Variants in RBMS1 observed in about 807,000 individuals in gnomAD.
RBMS1 encodes RNA-binding motif, single-stranded-interacting protein 1.
A neutral mutation model predicts 62.3 loss-of-function variants in RBMS1; 17 were observed. The ratio of observed to expected loss-of-function variants is 0.27; its 90% CI spans 0.19 to 0.41. The LOEUF is 0.41. RBMS1 is among the 10% of genes least tolerant of loss of function. The pLI is 1.00. For missense variants in RBMS1, 334 were observed against 504.5 expected (o/e 0.66, Z 3.24); for synonymous variants, 172 against 170.0 (o/e 1.01, Z -0.09).
In RBMS1 at chr2:160,425,567, A is replaced by G. The variant is rs1682514793; in HGVS notation, c.76-58176T>C. Among the ~76,000 whole-genome samples, 3 of 152,304 alleles carry G rather than the reference A, an allele frequency of 2.0e-5. No homozygotes were observed. In the South Asian group the frequency reaches 6.2e-4, roughly 32 times the overall value. On this transcript the variant is annotated intron_variant, in intron 1 of 13. Coordinates refer to ENST00000348849, the MANE Select transcript of RBMS1 (RefSeq NM_016836.4). ...GAAGGAGAAGCAATGAGGTAGAGGA[A>G]TCATCACTTGGAAAGTGAATCACAG...
chr2:160,333,416 TACCTGGGTCAGCCCCCACCAGGCCA>T (rs1444371490), intron 2 of RBMS1, among the ~76,000 whole-genome samples: 3 of 152,334 alleles, frequency 2.0e-5, no homozygotes, highest in African/African-American at 7.2e-5. Flanking sequence ...TGTTTTGTTT[TACCTGGGTCAGCCCCCACCAGGCCA>T]GCCTGGGACC....
At chr2:160,488,840 G>A (rs948357016) in intron 1 of RBMS1, among the ~76,000 whole-genome samples, 2 of 151,916 alleles carry the variant, frequency 1.3e-5, no homozygotes, top group African/African-American at 4.8e-5. Flanking sequence ...CCAATAAATA[G>A]GATAAAACTT....
intron 4 of RBMS1, among the ~76,000 whole-genome samples, chr2:160,307,301 G>A (rs1689586148): frequency 6.7e-6 from 1 of 149,380 alleles, no homozygotes; most frequent in African/African-American, 2.5e-5. Context: ...CTCAGAGCAT[G>A]GTGAAGCTCT....
intron 1 of RBMS1, chr2:160,407,864 C>G: frequency 1.0e-6 from 1 of 981,298 alleles, no homozygotes; most frequent in South Asian, 4.7e-5. Context: ...AGGAGCAGCG[C>G]CGCCGCGTCC....
At chr2:160,425,626 T>C (rs1682520275) in intron 1 of RBMS1, among the ~76,000 whole-genome samples, 1 of 152,092 alleles carries the variant, frequency 6.6e-6, no homozygotes, top group Admixed American at 6.5e-5. Flanking sequence ...AGAATGGCAG[T>C]AGACAGTAAG....
chr2:160,305,143 G>C (rs1689432381), intron 4 of RBMS1, among the ~76,000 whole-genome samples: 1 of 152,196 alleles, frequency 6.6e-6, no homozygotes, highest in African/African-American at 2.4e-5. Flanking sequence ...GTAGGCCACT[G>C]TGCCTGGCCA....
intron 2 of RBMS1, among the ~76,000 whole-genome samples, chr2:160,352,116 C>A (rs1251722123): frequency 2.6e-5 from 4 of 152,100 alleles, no homozygotes; most frequent in African/African-American, 9.7e-5. Flanking sequence ...TAGGGAAATA[C>A]AACATTACGA....
chr2:160,324,460 C>T (rs568638416), intron 2 of RBMS1, among the ~76,000 whole-genome samples: 22 of 152,166 alleles, frequency 1.4e-4, no homozygotes, highest in African/African-American at 4.8e-4. Flanking sequence ...ATTTGCAGTG[C>T]TTGTGCTAGT....
intron 1 of RBMS1, among the ~76,000 whole-genome samples, chr2:160,476,197 T>A (rs1283096941): frequency 1.3e-5 from 2 of 152,140 alleles, no homozygotes; most frequent in East Asian, 3.9e-4. Context: ...TCATGATATT[T>A]AACTTAAGAT....
intron 1 of RBMS1, among the ~76,000 whole-genome samples, chr2:160,463,532 C>G (rs1451821145): frequency 6.6e-6 from 1 of 152,168 alleles, no homozygotes; most frequent in East Asian, 1.9e-4. Context: ...GCCTATAATC[C>G]CAGCACTTTG....
chr2:160,426,161 C>T (rs2105277628), intron 1 of RBMS1, among the ~76,000 whole-genome samples: 1 of 149,954 alleles, frequency 6.7e-6, no homozygotes, highest in Non-Finnish European at 1.5e-5. Context: ...TTTTATCATC[C>T]CAATTAAAGT....
At chr2:160,295,772 T>G (rs1036584003) in intron 6 of RBMS1, among the ~76,000 whole-genome samples, 3 of 152,206 alleles carry the variant, frequency 2.0e-5, no homozygotes, top group Non-Finnish European at 4.4e-5. Context: ...CACCCTGAGA[T>G]CTACTGTATT....
intron 2 of RBMS1, among the ~76,000 whole-genome samples, chr2:160,328,774 T>C (rs1691094226): frequency 6.6e-6 from 1 of 152,182 alleles, no homozygotes; most frequent in Non-Finnish European, 1.5e-5. Context: ...TCTCTAAATT[T>C]GTCACTCCTT....
Position 160,490,788 on chromosome 2 carries a change from T to C in RBMS1, c.75+2501A>G, listed in dbSNP as rs552805362. ...GAGAAAATCACATCTATCTCTTGAG[T>C]ACAAATTAGCTATCACTTTTTAGAT... On this transcript the variant is annotated intron_variant, in intron 1 of 13. Coordinates refer to ENST00000348849, the MANE Select transcript of RBMS1 (RefSeq NM_016836.4). Among the ~76,000 whole-genome samples, 22 of 152,336 alleles carry C rather than the reference T, an allele frequency of 1.4e-4. No individual in the cohort carries two copies. In the South Asian group the frequency reaches 4.6e-3, roughly 32 times the overall value.
intron 6 of RBMS1, among the ~76,000 whole-genome samples, chr2:160,289,711 T>C (rs1326243756): frequency 6.6e-6 from 1 of 152,142 alleles, no homozygotes; most frequent in Non-Finnish European, 1.5e-5. Flanking sequence ...TTTAGAGGTA[T>C]TTGTTTTCAA....
intron 6 of RBMS1, among the ~76,000 whole-genome samples, chr2:160,289,348 G>A (rs1345217279): frequency 6.6e-6 from 1 of 152,160 alleles, no homozygotes; most frequent in Non-Finnish European, 1.5e-5. Flanking sequence ...TTTGTATACT[G>A]GCAGGCATTT....
chr2:160,334,531 A>G lies in RBMS1; in HGVS notation c.252-16304T>C, dbSNP rs115700863. Among the ~76,000 whole-genome samples, 131 of 152,320 alleles carry G rather than the reference A, an allele frequency of 8.6e-4. 1 individual carries two copies. In the Middle Eastern group the frequency reaches 0.017, roughly 20 times the overall value. ...CTGCAGTTGAAAGAAACCAGAAAAT[A>G]AAATCAGGTTATTTGGTAGGTCCTC... On this transcript the variant is annotated intron_variant, in intron 2 of 13. Transcript: ENST00000348849.
At chr2:160,489,026 T>C (rs1685717199) in intron 1 of RBMS1, among the ~76,000 whole-genome samples, 1 of 152,210 alleles carries the variant, frequency 6.6e-6, no homozygotes, top group African/African-American at 2.4e-5. Flanking sequence ...GTGTATGTAG[T>C]TATACTGATA....
At chr2:160,428,945 T>A (rs1193565971) in intron 1 of RBMS1, among the ~76,000 whole-genome samples, 2 of 152,222 alleles carry the variant, frequency 1.3e-5, no homozygotes, top group Non-Finnish European at 2.9e-5. Context: ...AAGACAAGCA[T>A]AACACTTTGG....
Sources: allele counts gnomAD v4.1 joint callset (sites outside exome capture counted in the v4.1 genomes callset), GRCh38; gene constraint gnomAD v4.1.1; transcripts MANE v1.5; gene names NCBI Gene and HGNC (gene_info 2026-07-23, HGNC 2026-07-21).